ARHGAP24: variants seen among roughly 807,000 people sequenced by gnomAD.
The protein encoded by ARHGAP24 is rho GTPase-activating protein 24.
ARHGAP24 carries 50 observed loss-of-function variants against 76.4 expected under a neutral mutation model. The ratio of observed to expected loss-of-function variants is 0.65; its 90% CI spans 0.52 to 0.83. ARHGAP24 has a LOEUF of 0.83. Among genes scored for constraint, ARHGAP24 ranks in the 40% least tolerant of loss-of-function variants. The probability of loss-of-function intolerance (pLI) is 0.00; values close to 1 mark genes in which losing one functional copy is unlikely to be tolerated. For synonymous variants in ARHGAP24, 345 were observed against 323.3 expected (o/e 1.07, Z -0.72); for missense variants, 930 against 914.2 (o/e 1.02, Z -0.22).
intron 3 of ARHGAP24, among the ~76,000 whole-genome samples, chr4:85,870,364 A>G (rs1732454188): frequency 6.6e-6 from 1 of 152,162 alleles, no homozygotes; most frequent in Non-Finnish European, 1.5e-5. Context: ...GAACTCATTC[A>G]TTAGATATGG....
At chr4:85,525,006 A>G (rs1724924645) in intron 1 of ARHGAP24, among the ~76,000 whole-genome samples, 2 of 152,106 alleles carry the variant, frequency 1.3e-5, no homozygotes, top group African/African-American at 4.8e-5. Flanking sequence ...TTCTTGTGAG[A>G]TGGCTTTACA....
chr4:85,768,762 G>C (rs530123065), intron 3 of ARHGAP24, among the ~76,000 whole-genome samples: 28 of 152,160 alleles, frequency 1.8e-4, no homozygotes, highest in Non-Finnish European at 3.1e-4. Context: ...GGGCAACAGA[G>C]TGAGATTCCA....
intron 2 of ARHGAP24, among the ~76,000 whole-genome samples, chr4:85,625,692 T>A (rs1299759142): frequency 6.6e-6 from 1 of 152,228 alleles, no homozygotes; most frequent in Non-Finnish European, 1.5e-5. Flanking sequence ...CCCATTATTA[T>A]TCTGTGGGAG....
intron 3 of ARHGAP24, among the ~76,000 whole-genome samples, chr4:85,822,010 G>A (rs1418080541): frequency 6.6e-6 from 1 of 152,182 alleles, no homozygotes; most frequent in Non-Finnish European, 1.5e-5. Context: ...TAGCTCAATA[G>A]TATCTGAGGA....
chr4:85,846,578 A>G (rs1730900747), intron 3 of ARHGAP24, among the ~76,000 whole-genome samples: 1 of 152,218 alleles, frequency 6.6e-6, no homozygotes, highest in Non-Finnish European at 1.5e-5. Context: ...AAAACAATCA[A>G]TTAATTCTCA....
intron 2 of ARHGAP24, among the ~76,000 whole-genome samples, chr4:85,647,335 G>C (rs1175157010): frequency 6.6e-6 from 1 of 152,042 alleles, no homozygotes; most frequent in Non-Finnish European, 1.5e-5. Flanking sequence ...ATAGCAAAAT[G>C]GGAAAAATTA....
intron 3 of ARHGAP24, among the ~76,000 whole-genome samples, chr4:85,756,067 A>T (rs1726479932): frequency 6.6e-6 from 1 of 152,190 alleles, no homozygotes; most frequent in Non-Finnish European, 1.5e-5. Flanking sequence ...CAATACATTG[A>T]TCATCAATGT....
chr4:85,536,417 A>G (rs1267401301), intron 1 of ARHGAP24, among the ~76,000 whole-genome samples: 1 of 152,118 alleles, frequency 6.6e-6, no homozygotes, highest in Non-Finnish European at 1.5e-5. Flanking sequence ...TTTTCAGATG[A>G]CTATTGGAAT....
chr4:85,941,998 AAAC>A (rs1305018051), intron 4 of ARHGAP24, 65 bp from the exon 5 acceptor site: 83 of 1,499,478 alleles, frequency 5.5e-5, no homozygotes, highest in African/African-American at 1.1e-4. Context: ...TATTGAATTA[AAAC>A]AACAACAACA....
chr4:85,579,498 T>TG (rs1727518379), intron 2 of ARHGAP24, among the ~76,000 whole-genome samples: 1 of 151,608 alleles, frequency 6.6e-6, no homozygotes, highest in South Asian at 2.1e-4. Flanking sequence ...TTTAGGTTTT[T>TG]TTTTTTTTTT....
intron 3 of ARHGAP24, among the ~76,000 whole-genome samples, chr4:85,848,469 C>T (rs987811332): frequency 3.3e-5 from 5 of 152,098 alleles, no homozygotes; most frequent in East Asian, 1.9e-4. Flanking sequence ...TTGCTCAGAA[C>T]GATGGTTTCC....
At chr4:85,497,206 C>T (rs1474239738) in intron 1 of ARHGAP24, among the ~76,000 whole-genome samples, 1 of 152,156 alleles carries the variant, frequency 6.6e-6, no homozygotes, top group African/African-American at 2.4e-5. Context: ...GAATAAATCC[C>T]ACCATGCCCC....
At position 85,886,070 on chromosome 4, in the gene ARHGAP24, C is replaced by T. The variant is rs1261509781; in HGVS notation, c.269-37578C>T. Among the ~76,000 whole-genome samples the T allele has an allele frequency of 1.1e-4, 17 of 152,114 alleles. No individual in the cohort carries two copies. In the South Asian group the frequency reaches 3.5e-3, roughly 32 times the overall value. ...AAACATCTCATGAAATTTCAAAATACCTTGAAGAGATTGTATCCAGATTTA... is the reference window on the plus strand; with the variant it reads ...AAACATCTCATGAAATTTCAAAATATCTTGAAGAGATTGTATCCAGATTTA... On this transcript the variant is annotated intron_variant, in intron 3 of 9. Transcript: ENST00000395184.
chr4:85,827,461 C>CATGTGTGT (rs1729772176), intron 3 of ARHGAP24, among the ~76,000 whole-genome samples: 1 of 108,642 alleles, frequency 9.2e-6, no homozygotes, highest in African/African-American at 3.4e-5. Context: ...GAAGTCTGCC[C>CATGTGTGT]GTGTGTGTGT....
In ARHGAP24 at chr4:85,553,735, C is replaced by A. The variant is rs112169302; in HGVS notation, c.-20-16787C>A. Among the ~76,000 whole-genome samples the A allele has an allele frequency of 4.9e-3, 752 of 152,364 alleles. 7 individuals are homozygous for A. The highest frequency in any genetic ancestry group is 0.017 in the African/African-American group (726 of 41,588). On this transcript the variant is annotated intron_variant, in intron 1 of 9. Coordinates refer to ENST00000395184, the MANE Select transcript of ARHGAP24 (RefSeq NM_001025616.3). ...GCATGTGAGATGAGTCTCTAGAAGA[C>A]AGCATACCATTGGGTCTTGCTTCTT... is the stretch of plus-strand genomic sequence containing the variant.
intron 1 of ARHGAP24, among the ~76,000 whole-genome samples, chr4:85,524,440 C>T (rs1724904127): frequency 6.6e-6 from 1 of 152,058 alleles, no homozygotes; most frequent in Admixed American, 6.6e-5. Context: ...TATCACAGAA[C>T]TATAGAGATA....
intron 2 of ARHGAP24, among the ~76,000 whole-genome samples, chr4:85,718,139 G>A (rs1010922257): frequency 1.3e-5 from 2 of 152,044 alleles, no homozygotes; most frequent in African/African-American, 4.8e-5. Context: ...TTAGCTTCAT[G>A]GATGTTCTTC....
chr4:85,541,738 T>C (rs1277158517), intron 1 of ARHGAP24, among the ~76,000 whole-genome samples: 1 of 147,898 alleles, frequency 6.8e-6, no homozygotes, highest in Non-Finnish European at 1.5e-5. Flanking sequence ...TTATATCACG[T>C]AATCACTGAA....
intron 3 of ARHGAP24, among the ~76,000 whole-genome samples, chr4:85,855,788 A>T (rs1237190697): frequency 6.9e-6 from 1 of 144,446 alleles, no homozygotes; most frequent in Admixed American, 6.9e-5. Context: ...AAAAAAAAAG[A>T]ATCTGACACT....
Sources: allele counts gnomAD v4.1 joint callset (sites outside exome capture counted in the v4.1 genomes callset), GRCh38; gene constraint gnomAD v4.1.1; transcripts MANE v1.5; gene names NCBI Gene and HGNC (gene_info 2026-07-23, HGNC 2026-07-21).